Variants in PRKG1 observed in about 807,000 individuals in gnomAD.
The protein encoded by PRKG1 is protein kinase cGMP-dependent 1, also known as cGMP-dependent protein kinase 1.
In PRKG1, 35 loss-of-function variants were observed where a neutral mutation model predicts 88.1. The observed-to-expected ratio is 0.40, with a 90% confidence interval of 0.30 to 0.53. The LOEUF (loss-of-function observed/expected upper bound fraction) is 0.53. Among genes scored for constraint, PRKG1 ranks in the 20% least tolerant of loss-of-function variants. The pLI, the probability that PRKG1 is intolerant of heterozygous loss-of-function variation, is 0.59. For missense variants in PRKG1, 540 were observed against 839.8 expected (o/e 0.64, Z 4.41); for synonymous variants, 303 against 292.5 (o/e 1.04, Z -0.37).
chr10:51,614,969 T>C (rs55756336), intron 3 of PRKG1, among the ~76,000 whole-genome samples: 1 of 147,012 alleles, frequency 6.8e-6, no homozygotes, highest in African/African-American at 2.5e-5. Context: ...ATATCCATCT[T>C]TGAATATATT....
chr10:51,530,806 G>T (rs1841999115), intron 3 of PRKG1, among the ~76,000 whole-genome samples: 1 of 152,088 alleles, frequency 6.6e-6, no homozygotes, highest in African/African-American at 2.4e-5. Context: ...CCTTTTGTCT[G>T]ATGGGAAACC....
chr10:51,083,829 T>C (rs1190094943), intron 1 of PRKG1, among the ~76,000 whole-genome samples: 2 of 152,176 alleles, frequency 1.3e-5, no homozygotes, highest in African/African-American at 2.4e-5. Flanking sequence ...TTTCCTGCCC[T>C]CTGTCCCCTT....
At chr10:52,274,310 G>A (rs1209931543) in intron 12 of PRKG1, among the ~76,000 whole-genome samples, 2 of 150,608 alleles carry the variant, frequency 1.3e-5, no homozygotes, top group Non-Finnish European at 2.9e-5. Flanking sequence ...AAAGCCCATT[G>A]CATCATTCGT....
intron 1 of PRKG1, among the ~76,000 whole-genome samples, chr10:51,093,817 C>A (rs974135520): frequency 6.7e-6 from 1 of 148,898 alleles, no homozygotes; most frequent in East Asian, 2.0e-4. Flanking sequence ...CACACACACA[C>A]ACACACACAC....
intron 1 of PRKG1, among the ~76,000 whole-genome samples, chr10:51,133,354 C>T (rs1045782309): frequency 2.0e-5 from 3 of 152,170 alleles, no homozygotes; most frequent in Non-Finnish European, 4.4e-5. Context: ...ATCCACTGCT[C>T]TTACAATTTG....
intron 3 of PRKG1, among the ~76,000 whole-genome samples, chr10:51,719,715 GT>G (rs577430460): frequency 5.3e-5 from 8 of 152,330 alleles, no homozygotes; most frequent in African/African-American, 1.7e-4. Flanking sequence ...CCTGGGTTGT[GT>G]ATGATGGTAA....
chr10:51,967,389 CAT>C (rs1210360947), intron 5 of PRKG1, among the ~76,000 whole-genome samples: 1 of 151,828 alleles, frequency 6.6e-6, no homozygotes, highest in Non-Finnish European at 1.5e-5. Context: ...GGAAGGGGAA[CAT>C]CACACACTGA....
At chr10:52,264,537 G>C (rs1326026954) in intron 10 of PRKG1, among the ~76,000 whole-genome samples, 2 of 151,856 alleles carry the variant, frequency 1.3e-5, no homozygotes, top group African/African-American at 4.8e-5. Context: ...ATTATTTCTG[G>C]ATTACTTACA....
intron 7 of PRKG1, among the ~76,000 whole-genome samples, chr10:52,087,182 T>C (rs1273070853): frequency 6.6e-6 from 1 of 152,244 alleles, no homozygotes; most frequent in African/African-American, 2.4e-5. Context: ...ATTTGTTCCG[T>C]AAAGCCTTGC....
intron 4 of PRKG1, among the ~76,000 whole-genome samples, chr10:51,831,676 C>G (rs1236501937): frequency 6.6e-6 from 1 of 152,080 alleles, no homozygotes; most frequent in Non-Finnish European, 1.5e-5. Context: ...GATGGCTAAT[C>G]CAGCTTATCT....
chr10:51,902,753 A>AGAAC (rs934843000), intron 4 of PRKG1, among the ~76,000 whole-genome samples: 75 of 152,322 alleles, frequency 4.9e-4, no homozygotes, highest in African/African-American at 1.7e-3. Context: ...AGAAGACCCA[A>AGAAC]GAACAAACAA....
chr10:51,143,118 TCTC>T (rs1270186821), intron 1 of PRKG1, among the ~76,000 whole-genome samples: 1 of 152,146 alleles, frequency 6.6e-6, no homozygotes, highest in East Asian at 1.9e-4. Context: ...GTGACCAACA[TCTC>T]CTAACACCTT....
chr10:51,420,768 A>C (rs1346562878), intron 2 of PRKG1, among the ~76,000 whole-genome samples: 3 of 152,320 alleles, frequency 2.0e-5, no homozygotes, highest in Admixed American at 2.0e-4. Context: ...ATTGGCTCAC[A>C]GTTCTGCAGG....
intron 9 of PRKG1, among the ~76,000 whole-genome samples, chr10:52,226,238 A>G (rs564400193): frequency 3.9e-5 from 6 of 152,260 alleles, no homozygotes; most frequent in African/African-American, 1.4e-4. Context: ...AATAATTTCA[A>G]GGGTTTTTAT....
At chr10:52,168,596 C>T (rs771891466) in intron 9 of PRKG1, among the ~76,000 whole-genome samples, 24 of 151,798 alleles carry the variant, frequency 1.6e-4, no homozygotes, top group Non-Finnish European at 3.1e-4. Context: ...AAACTGGGCA[C>T]TCTTGTCTCT....
intron 3 of PRKG1, among the ~76,000 whole-genome samples, chr10:51,501,137 C>A (rs1390446404): frequency 6.6e-6 from 1 of 152,060 alleles, no homozygotes; most frequent in Non-Finnish European, 1.5e-5. Context: ...ATCCTTCCAA[C>A]AAATCCCTTT....
At chr10:51,366,708 C>A (rs1842597605) in intron 2 of PRKG1, among the ~76,000 whole-genome samples, 1 of 151,866 alleles carries the variant, frequency 6.6e-6, no homozygotes, top group African/African-American at 2.4e-5. Flanking sequence ...CCATATATAT[C>A]CTTACTTATT....
intron 3 of PRKG1, among the ~76,000 whole-genome samples, chr10:51,587,240 A>G (rs938906352): frequency 3.3e-5 from 5 of 152,174 alleles, no homozygotes; most frequent in African/African-American, 1.2e-4. Context: ...AATAACAATA[A>G]TATTAATAGT....
chr10:51,302,374 T>C (rs1454488294), intron 2 of PRKG1, among the ~76,000 whole-genome samples: 4 of 152,190 alleles, frequency 2.6e-5, no homozygotes, highest in Admixed American at 6.5e-5. Flanking sequence ...TAAAGAGTTA[T>C]TTGCTCACTA....
Sources: allele counts gnomAD v4.1 joint callset (sites outside exome capture counted in the v4.1 genomes callset), GRCh38; gene constraint gnomAD v4.1.1; transcripts MANE v1.5; gene names NCBI Gene and HGNC (gene_info 2026-07-23, HGNC 2026-07-21).